PIAS2: variants seen among roughly 807,000 people sequenced by gnomAD.
PIAS2 encodes the protein protein inhibitor of activated STAT 2.
Under a neutral mutation model 69.7 loss-of-function variants are expected in PIAS2, and 19 were observed. The observed-to-expected ratio is 0.27, with a 90% CI of 0.19 to 0.40. The LOEUF (loss-of-function observed/expected upper bound fraction) is 0.40, where lower values mean the gene tolerates loss of function less well. Among genes scored for constraint, PIAS2 ranks in the 10% least tolerant of loss-of-function variants. The pLI is 1.00. For missense variants in PIAS2, 624 were observed against 757.0 expected, an observed-to-expected ratio of 0.82 and a Z score of 2.06; for synonymous variants, 261 against 263.2, an observed-to-expected ratio of 0.99 and a Z score of 0.08.
At chr18:46,909,834 T>C (rs2057057545) in intron 1 of PIAS2, among the ~76,000 whole-genome samples, 2 of 152,186 alleles carry the variant, frequency 1.3e-5, no homozygotes, top group Admixed American at 6.5e-5. Flanking sequence ...GGTGAAACTT[T>C]ACAGTTTTTT....
chr18:46,846,735 G>C lies in PIAS2; in HGVS notation c.833C>G (p.Ser278Cys). The change falls in exon 6 of 14, where the codon TCC (serine) becomes TGC (cysteine). Residue 278 changes from serine to cysteine, a missense_variant. Physicochemically the swap from Ser to Cys is moderately radical, Grantham distance 112 (BLOSUM62 -1). This residue lies in a region of PIAS2 where 339 missense variants were observed against 408.8 expected (regional missense o/e 0.83). Transcript: ENST00000585916. ...RLSSAVPNQI[S>C]ISWASEIGKN... ...CCCAATTTCTGATGCCCAAGAAATG[G>C]AAATTTGGTTTGGCACAGCTGAAGA... is the stretch of plus-strand genomic sequence containing the variant. 4 of 1,611,878 alleles carry C rather than the reference G, an allele frequency of 2.5e-6. No homozygotes were observed. The highest frequency in any genetic ancestry group is 3.4e-6 in the Non-Finnish European group (4 of 1,178,942).
At chr18:46,813,820 G>A (rs185994719) in intron 13 of PIAS2, among the ~76,000 whole-genome samples, 342 of 152,290 alleles carry the variant, frequency 2.2e-3, no homozygotes, top group Non-Finnish European at 2.7e-3. Context: ...TCAATAAAAT[G>A]AATGCCACAT....
chr18:46,883,092 C>T (rs189527158), intron 2 of PIAS2, among the ~76,000 whole-genome samples: 6 of 148,218 alleles, frequency 4.0e-5, no homozygotes, highest in Middle Eastern at 3.4e-3. Context: ...AGGGAGACTC[C>T]GTCTCAAAAG....
At chr18:46,857,858 T>C (rs1276729869) in intron 3 of PIAS2, among the ~76,000 whole-genome samples, 1 of 152,194 alleles carries the variant, frequency 6.6e-6, no homozygotes, top group Non-Finnish European at 1.5e-5. Context: ...AAAGAAGCAT[T>C]TACCATATGC....
At position 46,842,845 on chromosome 18, in the gene PIAS2, G is replaced by A. The variant is rs374494405; in HGVS notation, c.1041+1209C>T. 5.9e-4 allele frequency among the ~76,000 whole-genome samples: 90 copies of A among 152,116 alleles called. 2 individuals carry two copies. Among genetic ancestry groups the A allele is most frequent in the Admixed American group, 1.4e-3 (21 of 15,288 alleles). On this transcript the variant is annotated intron_variant, in intron 8 of 13. Coordinates refer to ENST00000585916, the MANE Select transcript of PIAS2 (RefSeq NM_004671.5). ...CTGGAACTGCACACCTCTTCCCTGC[G>A]TTTGCTAAGAGCAGGTTCCCAGTAT...
In PIAS2 at chr18:46,810,347, TAACA is replaced by T. The variant is rs2040918980; in HGVS notation, c.*2082_*2085del. ...TCTGACAATCTAAAGGGTAACAAAA[TAACA>T]AATATACATCATTTCTTTATAAGTC... On this transcript the variant is annotated 3_prime_UTR_variant, in exon 14 of 14. Transcript: ENST00000585916. The T allele has an allele frequency of 6.6e-6, 1 of 152,168 alleles. No individual in the cohort carries two copies. Among genetic ancestry groups the T allele is most frequent in the African/African-American group, 2.4e-5 (1 of 41,440 alleles). 9.4% of individuals were successfully genotyped at this position (152,168 alleles called of 1,614,324 possible). A position where few individuals can be genotyped will look rare whatever the true frequency, so the allele number is the denominator to read the frequency against.
rs2040942451 is a variant in PIAS2, at chr18:46,810,706, C to A, written c.*1727G>T. The A allele has an allele frequency of 6.7e-6, 1 of 148,314 alleles. No homozygotes were observed. Among genetic ancestry groups the A allele is most frequent in the Non-Finnish European group, 1.5e-5 (1 of 67,184 alleles). The allele number at this position is 148,314 out of a possible 1,614,324, so 9.2% of individuals were successfully genotyped here. A position where few individuals can be genotyped will look rare whatever the true frequency, so the allele number is the denominator to read the frequency against. ...TGAATTTAAATCAACATAAAAAGAA[C>A]ACACAAAGGCCATGGAAACTTGAGA... On this transcript the variant is annotated 3_prime_UTR_variant, in exon 14 of 14. Transcript: ENST00000585916.
chr18:46,844,405 T>C (rs926185797), intron 7 of PIAS2, among the ~76,000 whole-genome samples: 8 of 152,268 alleles, frequency 5.3e-5, no homozygotes, highest in Admixed American at 5.2e-4. Context: ...GAGAGGAAGC[T>C]GGAATGCAGC....
chr18:46,894,853 T>A (rs1405135131), intron 1 of PIAS2, among the ~76,000 whole-genome samples: 2 of 151,440 alleles, frequency 1.3e-5, no homozygotes, highest in Non-Finnish European at 2.9e-5. Context: ...GGTGGATCAC[T>A]TGAGGTCAGG....
intron 1 of PIAS2, chr18:46,906,144 T>C (rs899500647): frequency 2.6e-5 from 4 of 152,154 alleles, no homozygotes; most frequent in Non-Finnish European, 4.4e-5. Flanking sequence ...TCATGATTTT[T>C]TAAATTAGCA....
chr18:46,865,863 A>C (rs2049368164), intron 2 of PIAS2, among the ~76,000 whole-genome samples: 1 of 152,172 alleles, frequency 6.6e-6, no homozygotes, highest in Non-Finnish European at 1.5e-5. Context: ...CAAACACAGA[A>C]ACATAAGTAA....
chr18:46,851,902 A>G (rs1568516180), intron 5 of PIAS2, among the ~76,000 whole-genome samples: 1 of 152,186 alleles, frequency 6.6e-6, no homozygotes. Flanking sequence ...CCATATTCAG[A>G]GCTCTAATGG....
At chr18:46,899,557 T>A (rs2055452987) in intron 1 of PIAS2, among the ~76,000 whole-genome samples, 1 of 152,192 alleles carries the variant, frequency 6.6e-6, no homozygotes. Flanking sequence ...AGCCTCAACC[T>A]CCTGAGCTCA....
rs534474096 is a variant in PIAS2, at chr18:46,884,437, C to T, written c.499+6143G>A. Among the ~76,000 whole-genome samples, 29 of 152,038 alleles carry T rather than the reference C, an allele frequency of 1.9e-4. 1 individual carries two copies. The South Asian group carries it at 5.2e-3, about 27-fold the overall frequency. On this transcript the variant is annotated intron_variant, in intron 2 of 13. Coordinates refer to ENST00000585916, the MANE Select transcript of PIAS2 (RefSeq NM_004671.5). ...ACGCCATTCTCCTGCCTCAGCCTCC[C>T]GAGTAGCTGGGACTACAGGTGCCCG...
intron 1 of PIAS2, chr18:46,903,458 AT>A (rs2056176383): frequency 6.6e-6 from 1 of 152,218 alleles, no homozygotes; most frequent in South Asian, 2.1e-4. Flanking sequence ...ACATAAAAAT[AT>A]GTTCAGCATC....
Position 46,812,571 on chromosome 18 carries a change from T to A in PIAS2, c.1728A>T (p.Leu576Phe). Residue 576 changes from leucine to phenylalanine, a missense_variant, in exon 14 of 14, where the codon TTA becomes TTT. Physicochemically the swap from Leu to Phe is conservative, Grantham distance 22. Transcript: ENST00000585916. ...TGGTGACAGACGTACTGCTTGCTGT[T>A]AAGGGTGAGGTGAGACTATCCAAAA... ...PMFLDSLTSP[L>F]TASSTSVTTT... is the part of the protein sequence containing the mutation. The A allele has an allele frequency of 6.2e-7, 1 of 1,613,524 alleles. No individual in the cohort carries two copies. The highest frequency in any genetic ancestry group is 8.5e-7 in the Non-Finnish European group (1 of 1,179,542).
chr18:46,836,923 T>C (rs1391656158), intron 8 of PIAS2, among the ~76,000 whole-genome samples: 1 of 152,178 alleles, frequency 6.6e-6, no homozygotes, highest in Non-Finnish European at 1.5e-5. Flanking sequence ...TACACACTGT[T>C]TTCCAACTCA....
chr18:46,815,877 T>C (rs763135164), intron 12 of PIAS2: 217 of 985,554 alleles, frequency 2.2e-4, no homozygotes, highest in Non-Finnish European at 2.5e-4. Context: ...CACTCGGGAA[T>C]TGCTGCGCTA....
At chr18:46,897,983 C>T (rs2146105763) in intron 1 of PIAS2, among the ~76,000 whole-genome samples, 1 of 151,976 alleles carries the variant, frequency 6.6e-6, no homozygotes, top group South Asian at 2.1e-4. Context: ...GTGATCCTCC[C>T]ACCTCGGCCT....
Sources: allele counts gnomAD v4.1 joint callset (sites outside exome capture counted in the v4.1 genomes callset), GRCh38; gene constraint gnomAD v4.1.1; regional missense constraint gnomAD v4.1.1; transcripts MANE v1.5; gene names NCBI Gene and HGNC (gene_info 2026-07-23, HGNC 2026-07-21).